MAF: variants seen among roughly 807,000 people sequenced by gnomAD.
MAF encodes the protein transcription factor Maf.
A neutral mutation model predicts 22.0 loss-of-function variants in MAF; 10 were observed. The ratio of observed to expected loss-of-function variants is 0.45; its 90% confidence interval spans 0.28 to 0.77. The LOEUF is 0.77. Ranked by LOEUF, MAF falls within the 30% of genes least tolerant of loss-of-function variation. The probability of loss-of-function intolerance (pLI) is 0.12; values close to 1 mark genes in which losing one functional copy is unlikely to be tolerated. For missense variants in MAF, 544 were observed against 548.4 expected (o/e 0.99, Z 0.08); for synonymous variants, 337 against 255.8 (o/e 1.32, Z -3.03).
the MAF span, among the ~76,000 whole-genome samples, chr16:79,224,552 A>G: frequency 6.6e-6 from 1 of 152,210 alleles, no homozygotes; most frequent in Non-Finnish European, 1.5e-5. Flanking sequence ...TTCAATTAGG[A>G]AAAAAGGAAG....
At chr16:79,375,422 C>A in the MAF span, among the ~76,000 whole-genome samples, 1 of 152,174 alleles carries the variant, frequency 6.6e-6, no homozygotes, top group Non-Finnish European at 1.5e-5. Flanking sequence ...GAGAGAGCAA[C>A]TGATTTCACA....
At chr16:79,359,459 T>C in the MAF span, among the ~76,000 whole-genome samples, 1 of 152,316 alleles carries the variant, frequency 6.6e-6, no homozygotes, top group African/African-American at 2.4e-5. Flanking sequence ...TGCACTGTCC[T>C]CAAAGTTGAT....
the MAF span, among the ~76,000 whole-genome samples, chr16:79,299,661 TGCACAGTGACATG>T: frequency 2.7e-4 from 41 of 152,290 alleles, no homozygotes; most frequent in South Asian, 3.5e-3. Context: ...ACCAGCGTCC[TGCACAGTGACATG>T]GCACAGTGAC....
the MAF span, among the ~76,000 whole-genome samples, chr16:79,358,001 T>C: frequency 1.3e-4 from 20 of 152,306 alleles, no homozygotes; most frequent in East Asian, 3.5e-3. Flanking sequence ...GTGAAGGTAC[T>C]TGAATGGCCA....
the MAF span, among the ~76,000 whole-genome samples, chr16:79,321,719 C>T: frequency 6.9e-6 from 1 of 144,542 alleles, no homozygotes; most frequent in Non-Finnish European, 1.5e-5. Context: ...GGCACAATCT[C>T]AGCTCACTGC....
the MAF span, among the ~76,000 whole-genome samples, chr16:79,345,414 C>G: frequency 2.0e-5 from 3 of 152,106 alleles, no homozygotes; most frequent in Non-Finnish European, 1.5e-5. Flanking sequence ...AACTTGTATT[C>G]TAAAAACTGG....
the MAF span, among the ~76,000 whole-genome samples, chr16:79,401,271 T>C: frequency 6.6e-5 from 10 of 152,204 alleles, no homozygotes; most frequent in African/African-American, 1.7e-4. Context: ...GTTAACTCTG[T>C]TTCAAATAGA....
the MAF span, among the ~76,000 whole-genome samples, chr16:79,489,196 T>C: frequency 6.6e-6 from 1 of 152,128 alleles, no homozygotes; most frequent in African/African-American, 2.4e-5. Flanking sequence ...CATTTATCCA[T>C]CCATCTATTC....
the MAF span, among the ~76,000 whole-genome samples, chr16:79,322,886 C>T: frequency 2.6e-3 from 390 of 152,066 alleles, 3 homozygotes; most frequent in African/African-American, 9.0e-3. Flanking sequence ...TGCAGTGGCT[C>T]ACGCCTGTAA....
the MAF span, among the ~76,000 whole-genome samples, chr16:79,318,601 G>T: frequency 6.6e-6 from 1 of 152,182 alleles, no homozygotes; most frequent in Non-Finnish European, 1.5e-5. Flanking sequence ...AGCCCTTGGC[G>T]CAACATCACT....
chr16:79,542,169 G>A, the MAF span, among the ~76,000 whole-genome samples: 13 of 152,150 alleles, frequency 8.5e-5, no homozygotes, highest in African/African-American at 3.1e-4. Flanking sequence ...CGGGGCTCCT[G>A]GAGCAAGTCC....
chr16:79,338,324 G>A, the MAF span, among the ~76,000 whole-genome samples: 1 of 152,196 alleles, frequency 6.6e-6, no homozygotes, highest in South Asian at 2.1e-4. Context: ...CTAAGTCACA[G>A]AGTGAGATCT....
chr16:79,330,735 T>C, the MAF span, among the ~76,000 whole-genome samples: 1 of 152,216 alleles, frequency 6.6e-6, no homozygotes, highest in African/African-American at 2.4e-5. Context: ...GGCATGAACT[T>C]GGAAATCTGG....
chr16:79,217,264 G>C, the MAF span, among the ~76,000 whole-genome samples: 1 of 152,222 alleles, frequency 6.6e-6, no homozygotes, highest in Non-Finnish European at 1.5e-5. Flanking sequence ...AGCAGAGTCA[G>C]GATGTGAAGC....
At chr16:79,516,557 C>T in the MAF span, among the ~76,000 whole-genome samples, 7 of 152,164 alleles carry the variant, frequency 4.6e-5, no homozygotes, top group Non-Finnish European at 1.0e-4. Context: ...TAATATAATA[C>T]ATGATGATTT....
chr16:79,560,302 G>A, the MAF span, among the ~76,000 whole-genome samples: 3 of 151,960 alleles, frequency 2.0e-5, no homozygotes, highest in African/African-American at 7.3e-5. Context: ...AAGTGAAAAG[G>A]ATTTGAGATG....
the MAF span, among the ~76,000 whole-genome samples, chr16:79,477,490 A>T: frequency 2.6e-5 from 4 of 152,214 alleles, no homozygotes; most frequent in African/African-American, 9.7e-5. Flanking sequence ...CCACCTTGAA[A>T]GCCTGTGTTC....
At chr16:79,293,837 A>AAGAGAG in the MAF span, among the ~76,000 whole-genome samples, 175 of 148,420 alleles carry the variant, frequency 1.2e-3, no homozygotes, top group African/African-American at 3.4e-3. Flanking sequence ...TCTAAATGAA[A>AAGAGAG]AGAGAGAGAG....
chr16:79,234,185 T>C, the MAF span, among the ~76,000 whole-genome samples: 4 of 151,994 alleles, frequency 2.6e-5, no homozygotes, highest in Non-Finnish European at 5.9e-5. Context: ...GCACACACAG[T>C]GGTTTTTTTT....
Sources: allele counts gnomAD v4.1 joint callset (sites outside exome capture counted in the v4.1 genomes callset), GRCh38; gene constraint gnomAD v4.1.1; transcripts MANE v1.5; gene names NCBI Gene and HGNC (gene_info 2026-07-23, HGNC 2026-07-21).